Variants in CLIC5 observed in about 807,000 individuals in gnomAD.
CLIC5 encodes the protein chloride intracellular channel protein 5.
Under a neutral mutation model 24.7 loss-of-function variants are expected in CLIC5, and 20 were observed. The observed-to-expected ratio is 0.81, with a 90% CI of 0.57 to 1.18. CLIC5 has a LOEUF of 1.18. CLIC5 is among the 50% of genes most tolerant of loss of function. The pLI is 0.00. For synonymous variants in CLIC5, 159 were observed against 135.6 expected (o/e 1.17, Z -1.20); for missense variants, 341 against 326.1 (o/e 1.05, Z -0.35).
intron 6 of CLIC5, among the ~76,000 whole-genome samples, chr6:45,890,370 C>T (rs1370939934): frequency 6.6e-6 from 1 of 152,028 alleles, no homozygotes; most frequent in Non-Finnish European, 1.5e-5. Context: ...AATGAGATAT[C>T]ACATCAGACC....
At position 45,911,616 on chromosome 6, in the gene CLIC5, C is replaced by T; in HGVS notation, c.588+2612G>A. The T allele has an allele frequency of 3.0e-6, 3 of 985,298 alleles. No homozygotes were observed. In the South Asian group the frequency reaches 1.4e-4, roughly 46 times the overall value. The allele number at this position is 985,298 out of a possible 1,614,324, so 61.0% of individuals were successfully genotyped here. On this transcript the variant is annotated intron_variant, in intron 5 of 5. Transcript: ENST00000339561. ...AGTGACACACTGATTCATAGAGTAGCCTCAAGTCATTTCATACTGAAATTT... is the reference window on the plus strand; with the variant it reads ...AGTGACACACTGATTCATAGAGTAGTCTCAAGTCATTTCATACTGAAATTT...
chr6:46,053,499 C>G (rs533900185), intron 1 of CLIC5, among the ~76,000 whole-genome samples: 10 of 152,288 alleles, frequency 6.6e-5, no homozygotes, highest in African/African-American at 2.4e-4. Flanking sequence ...CCTCATATTG[C>G]TCAGGCCTAT....
intron 1 of CLIC5, among the ~76,000 whole-genome samples, chr6:45,958,824 T>A (rs991898816): frequency 6.6e-6 from 1 of 152,120 alleles, no homozygotes; most frequent in African/African-American, 2.4e-5. Flanking sequence ...CACAGGCACC[T>A]GAAACTTACT....
intron 5 of CLIC5, among the ~76,000 whole-genome samples, chr6:45,911,341 G>A (rs1762811425): frequency 6.6e-6 from 1 of 152,168 alleles, no homozygotes; most frequent in Non-Finnish European, 1.5e-5. Context: ...AAGCAAGGGT[G>A]ATGAAGTCCG....
chr6:45,946,369 C>T (rs997058791), intron 3 of CLIC5, among the ~76,000 whole-genome samples: 3 of 152,190 alleles, frequency 2.0e-5, no homozygotes, highest in Non-Finnish European at 4.4e-5. Context: ...CTGGATTCCT[C>T]ATTTTGACAC....
chr6:45,938,390 T>C (rs1197301188), intron 4 of CLIC5, among the ~76,000 whole-genome samples: 2 of 151,904 alleles, frequency 1.3e-5, no homozygotes, highest in East Asian at 1.9e-4. Flanking sequence ...CTCGGGGGTA[T>C]TGGGTGGGAG....
intron 1 of CLIC5, among the ~76,000 whole-genome samples, chr6:45,999,286 T>C (rs1257799942): frequency 1.3e-5 from 2 of 152,178 alleles, no homozygotes; most frequent in Non-Finnish European, 2.9e-5. Flanking sequence ...TCCACTGTAA[T>C]GCTCTATTAC....
At chr6:45,998,794 C>T (rs1203400970) in intron 1 of CLIC5, among the ~76,000 whole-genome samples, 1 of 152,200 alleles carries the variant, frequency 6.6e-6, no homozygotes, top group Admixed American at 6.5e-5. Flanking sequence ...ATGCCACATT[C>T]GTTCAATTCC....
At chr6:45,986,521 G>A (rs903070942) in intron 1 of CLIC5, among the ~76,000 whole-genome samples, 3 of 152,208 alleles carry the variant, frequency 2.0e-5, no homozygotes, top group African/African-American at 7.2e-5. Context: ...CCAGCTTTTT[G>A]TGAGGGTGCC....
At chr6:46,021,088 C>CAAAAA (rs61574485) in intron 1 of CLIC5, among the ~76,000 whole-genome samples, 1 of 71,878 alleles carries the variant, frequency 1.4e-5, no homozygotes, top group Non-Finnish European at 2.9e-5. Context: ...TTTTACAACT[C>CAAAAA]AAAAAAAAAA....
chr6:45,954,272 C>CAAAA (rs11311720), intron 2 of CLIC5, among the ~76,000 whole-genome samples: 35 of 75,816 alleles, frequency 4.6e-4, no homozygotes, highest in South Asian at 1.3e-3. Flanking sequence ...GACTCTGTCT[C>CAAAA]AAAAAAAAAA....
chr6:45,920,650 C>T (rs1233879643), intron 4 of CLIC5: 2 of 969,686 alleles, frequency 2.1e-6, no homozygotes, highest in Non-Finnish European at 2.5e-6. Context: ...TCACCACTTA[C>T]TCATCTGTTG....
chr6:46,078,488 C>A (rs1372091807), intron 1 of CLIC5, among the ~76,000 whole-genome samples: 1 of 152,156 alleles, frequency 6.6e-6, no homozygotes, highest in African/African-American at 2.4e-5. Context: ...AAACTCAGTA[C>A]ACATCTCAGC....
chr6:46,062,591 T>G (rs1017338568), intron 1 of CLIC5, among the ~76,000 whole-genome samples: 11 of 152,210 alleles, frequency 7.2e-5, no homozygotes, highest in Non-Finnish European at 1.5e-4. Context: ...GAGCCCAGTT[T>G]TCTAACCTTT....
At chr6:45,924,109 A>G (rs1190955804) in intron 4 of CLIC5, among the ~76,000 whole-genome samples, 3 of 152,248 alleles carry the variant, frequency 2.0e-5, no homozygotes, top group Admixed American at 2.0e-4. Flanking sequence ...AAAAAGCAAC[A>G]AAAAATTCTT....
intron 1 of CLIC5, among the ~76,000 whole-genome samples, chr6:45,975,923 G>T (rs1388820756): frequency 6.6e-6 from 1 of 152,100 alleles, no homozygotes; most frequent in Middle Eastern, 3.2e-3. Context: ...AAGGACCAGG[G>T]CCTGAATGTC....
chr6:45,894,089 G>A (rs948926548), downstream of CLIC5, among the ~76,000 whole-genome samples: 2 of 152,194 alleles, frequency 1.3e-5, no homozygotes, highest in African/African-American at 4.8e-5. Context: ...AGTAAAGAAA[G>A]TGGAATTGTA....
chr6:46,000,428 A>G (rs926943591), intron 1 of CLIC5, among the ~76,000 whole-genome samples: 1 of 152,116 alleles, frequency 6.6e-6, no homozygotes, highest in Admixed American at 6.5e-5. Flanking sequence ...TTTAGTTGTT[A>G]CCACCTGTTC....
chr6:45,958,449 T>TACACACACACACACACACACAC (rs1561964569), intron 1 of CLIC5, among the ~76,000 whole-genome samples: 1 of 24,240 alleles, frequency 4.1e-5, no homozygotes, highest in African/African-American at 7.2e-5. Context: ...TATATATATA[T>TACACACACACACACACACACAC]ATATATATAT....
Sources: gnomAD v4.1 joint callset for allele counts (sites outside exome capture counted in the v4.1 genomes callset) on GRCh38, gnomAD v4.1.1 for gene constraint, MANE v1.5 for transcripts, NCBI Gene and HGNC (gene_info 2026-07-23, HGNC 2026-07-21) for gene names.